The following CLIP2 variants were observed in gnomAD, a reference collection of about 807,000 sequenced individuals.
The protein encoded by CLIP2 is CAP-Gly domain-containing linker protein 2.
Under a neutral mutation model 111.7 loss-of-function variants are expected in CLIP2, and 41 were observed. The observed-to-expected ratio is 0.37, with a 90% CI of 0.29 to 0.48. CLIP2 has a LOEUF of 0.48. CLIP2 is among the 20% of genes least tolerant of loss of function. CLIP2 has a pLI of 0.99. For synonymous variants in CLIP2, 660 were observed against 644.2 expected (o/e 1.02, Z -0.37); for missense variants, 1,160 against 1,422.1 (o/e 0.82, Z 2.96).
intron 2 of CLIP2, among the ~76,000 whole-genome samples, chr7:74,327,709 C>T (rs1319069569): frequency 6.6e-6 from 1 of 152,194 alleles, no homozygotes; most frequent in Non-Finnish European, 1.5e-5. Flanking sequence ...CAAGCCCGCT[C>T]TTCTGTGGCT....
intron 8 of CLIP2, among the ~76,000 whole-genome samples, chr7:74,369,756 C>G (rs1790554363): frequency 1.1e-5 from 1 of 95,086 alleles, no homozygotes; most frequent in Non-Finnish European, 2.2e-5. Flanking sequence ...ACTCGGAAGG[C>G]TGAGGCAGGA....
rs140690167 is a variant in CLIP2 at position 74,317,875 on chromosome 7, G to A, written c.121+208G>A. On this transcript the variant is annotated intron_variant, in intron 2 of 16. Coordinates refer to ENST00000223398, the MANE Select transcript of CLIP2 (RefSeq NM_003388.5). ...GGGACATGGGCGCTGAGGTCTGGAGGGTGAATAGGTGATTCACTAGCTGAA... is the reference window on the plus strand; with the variant it reads ...GGGACATGGGCGCTGAGGTCTGGAGAGTGAATAGGTGATTCACTAGCTGAA... Among the ~76,000 whole-genome samples, 9 of 152,240 alleles carry A rather than the reference G, an allele frequency of 5.9e-5. No individual in the cohort carries two copies. The East Asian group carries it at 1.5e-3, about 26-fold the overall frequency.
chr7:74,400,609 CG>C, intron 15 of CLIP2, 54 bp downstream of exon 15: 1 of 1,458,390 alleles, frequency 6.9e-7, no homozygotes, highest in Admixed American at 2.5e-5. Context: ...GCAGTGTCCT[CG>C]GAGCCCCCGT....
intron 1 of CLIP2, among the ~76,000 whole-genome samples, chr7:74,310,653 A>G (rs890273064): frequency 5.3e-5 from 8 of 152,018 alleles, no homozygotes; most frequent in African/African-American, 1.7e-4. Flanking sequence ...AAAACTTTCT[A>G]TGGACACATA....
intron 8 of CLIP2, 150 bp downstream of exon 8, chr7:74,364,465 C>T: frequency 1.5e-6 from 1 of 676,968 alleles, no homozygotes; most frequent in Non-Finnish European, 2.5e-6. Flanking sequence ...GGTCTGATGT[C>T]TGAGGTGTTA....
intron 12 of CLIP2, among the ~76,000 whole-genome samples, chr7:74,387,540 C>A (rs1350255638): frequency 5.3e-5 from 8 of 152,182 alleles, no homozygotes; most frequent in African/African-American, 1.9e-4. Context: ...TGTGAGCCAC[C>A]ACGCCCGGCC....
At chr7:74,309,553 C>T (rs980568881) in intron 1 of CLIP2, among the ~76,000 whole-genome samples, 2 of 151,928 alleles carry the variant, frequency 1.3e-5, no homozygotes, top group Non-Finnish European at 2.9e-5. Flanking sequence ...TTCTACTTAG[C>T]AAAATGTTTT....
intron 2 of CLIP2, among the ~76,000 whole-genome samples, chr7:74,328,309 C>T (rs1247208573): frequency 6.6e-6 from 1 of 152,108 alleles, no homozygotes; most frequent in Admixed American, 6.6e-5. Flanking sequence ...TGAGCACCTT[C>T]GGGAGAGAAA....
intron 13 of CLIP2, among the ~76,000 whole-genome samples, chr7:74,391,970 G>A (rs1012207729): frequency 6.6e-6 from 1 of 152,162 alleles, no homozygotes; most frequent in Non-Finnish European, 1.5e-5. Flanking sequence ...ACTTTGGGAG[G>A]CGGAGACTGG....
At chr7:74,351,002 GAGAAAGAA>G (rs200650133) in intron 3 of CLIP2, among the ~76,000 whole-genome samples, 4 of 79,988 alleles carry the variant, frequency 5.0e-5, no homozygotes, top group East Asian at 2.7e-4. Context: ...AGAAGAAGGA[GAGAAAGAA>G]AGAAGGAAGG....
Position 74,405,479 on chromosome 7 carries a change from C to T in CLIP2, c.*1631C>T. ...CGCTCACGTTCCTGCCCAAATGCAG[C>T]CCATCGGGGAGTCACAGTCAGTCCC... On this transcript the variant is annotated 3_prime_UTR_variant, in exon 17 of 17. Transcript: ENST00000223398. 6.5e-6 allele frequency: 1 copy of T among 153,012 alleles called. No homozygotes were observed. Among genetic ancestry groups the T allele is most frequent in the Non-Finnish European group, 1.5e-5 (1 of 68,280 alleles). The allele number at this position is 153,012 out of a possible 1,614,324, so 9.5% of individuals were successfully genotyped here.
In CLIP2 at chr7:74,405,050, T is replaced by C. The variant is rs1253263370; in HGVS notation, c.*1202T>C. Reference sequence around the variant, plus strand: ...TCCCTTCCTGGTCTTGCCAGGCACCTGCACAGAGCGTCTCCAGCCCCATCT... The same window carrying C: ...TCCCTTCCTGGTCTTGCCAGGCACCCGCACAGAGCGTCTCCAGCCCCATCT... On this transcript the variant is annotated 3_prime_UTR_variant, in exon 17 of 17. Transcript: ENST00000223398. 9.2e-5 allele frequency: 14 copies of C among 152,276 alleles called. No homozygotes were observed. Among genetic ancestry groups the C allele is most frequent in the Non-Finnish European group, 2.1e-4 (14 of 68,104 alleles). 9.4% of individuals were successfully genotyped at this position (152,276 alleles called of 1,614,324 possible). A position where few individuals can be genotyped will look rare whatever the true frequency, so the allele number is the denominator to read the frequency against.
intron 3 of CLIP2, among the ~76,000 whole-genome samples, chr7:74,345,604 G>A (rs1554306090): frequency 6.6e-6 from 1 of 151,918 alleles, no homozygotes; most frequent in African/African-American, 2.4e-5. Flanking sequence ...GGGAGGCTGA[G>A]GGTGGGTGGA....
At chr7:74,310,566 T>C (rs1221966572) in intron 1 of CLIP2, among the ~76,000 whole-genome samples, 3 of 152,118 alleles carry the variant, frequency 2.0e-5, no homozygotes, top group Non-Finnish European at 2.9e-5. Flanking sequence ...GCCCTACTTT[T>C]GTTTGTACAG....
At chr7:74,359,546 G>GCA (rs1562708839) in intron 6 of CLIP2, among the ~76,000 whole-genome samples, 2 of 151,734 alleles carry the variant, frequency 1.3e-5, no homozygotes, top group African/African-American at 4.8e-5. Context: ...TAGTAGAGAT[G>GCA]GGGTTTCACC....
intron 3 of CLIP2, among the ~76,000 whole-genome samples, chr7:74,351,603 A>C (rs1554307582): frequency 6.6e-6 from 1 of 152,040 alleles, no homozygotes; most frequent in Non-Finnish European, 1.5e-5. Context: ...TGGGAGGCTA[A>C]GGAGGGCAGA....
chr7:74,390,292 C>A (rs182088049), intron 13 of CLIP2, among the ~76,000 whole-genome samples: 58 of 152,104 alleles, frequency 3.8e-4, no homozygotes, highest in African/African-American at 1.3e-3. Context: ...TATTGAGGAT[C>A]CCCAAAGAGC....
intron 16 of CLIP2, among the ~76,000 whole-genome samples, chr7:74,401,913 A>G (rs552793174): frequency 6.6e-6 from 1 of 152,160 alleles, no homozygotes; most frequent in South Asian, 2.1e-4. Context: ...TGAAAATACA[A>G]AATTAGCCGG....
At chr7:74,390,166 AAAG>A (rs1554315599) in intron 13 of CLIP2, among the ~76,000 whole-genome samples, 2 of 5,044 alleles carry the variant, frequency 4.0e-4, no homozygotes, top group African/African-American at 1.2e-3. Flanking sequence ...AAGAAAGAAG[AAAG>A]AAAGAAAGAA....
Sources: allele counts gnomAD v4.1 joint callset (sites outside exome capture counted in the v4.1 genomes callset), GRCh38; gene constraint gnomAD v4.1.1; transcripts MANE v1.5; gene names NCBI Gene and HGNC (gene_info 2026-07-23, HGNC 2026-07-21).